LIMCH1: variants seen among roughly 807,000 people sequenced by gnomAD.
LIMCH1 encodes LIM and calponin homology domains-containing protein 1.
A neutral mutation model predicts 176.5 loss-of-function variants in LIMCH1; 113 were observed. The ratio of observed to expected loss-of-function variants is 0.64; its 90% CI spans 0.55 to 0.75. The LOEUF (loss-of-function observed/expected upper bound fraction) is 0.75. Among genes scored for constraint, LIMCH1 ranks in the 30% least tolerant of loss-of-function variants. The probability of loss-of-function intolerance (pLI) is 0.00; values close to 1 mark genes in which losing one functional copy is unlikely to be tolerated. For synonymous variants in LIMCH1, 619 were observed against 645.9 expected, an observed-to-expected ratio of 0.96 and a Z score of 0.63; for missense variants, 1,674 against 1,814.9, an observed-to-expected ratio of 0.92 and a Z score of 1.41.
chr4:41,603,262 G>A (rs1030600795), intron 2 of LIMCH1, among the ~76,000 whole-genome samples: 10 of 150,494 alleles, frequency 6.6e-5, no homozygotes, highest in Non-Finnish European at 1.3e-4. Context: ...TGAATATTTC[G>A]AAGTAGCTTT....
chr4:41,596,950 G>C (rs1482402979), intron 1 of LIMCH1, among the ~76,000 whole-genome samples: 2 of 152,094 alleles, frequency 1.3e-5, no homozygotes, highest in African/African-American at 4.8e-5. Flanking sequence ...TAAAGTTGTA[G>C]TAACTCGTCA....
intron 1 of LIMCH1, among the ~76,000 whole-genome samples, chr4:41,400,774 A>G (rs2058351659): frequency 2.6e-5 from 4 of 152,248 alleles, no homozygotes; most frequent in Admixed American, 2.6e-4. Flanking sequence ...TTTGATGAGA[A>G]TATGAGAAAG....
At chr4:41,563,710 G>T in intron 1 of LIMCH1, among the ~76,000 whole-genome samples, 1 of 152,136 alleles carries the variant, frequency 6.6e-6, no homozygotes, top group East Asian at 1.9e-4. Context: ...GCTTGTGAAT[G>T]CTTTGCATGA....
At chr4:41,682,675 C>CTTTTTTTTTT (rs200784058) in intron 26 of LIMCH1, among the ~76,000 whole-genome samples, 1 of 142,408 alleles carries the variant, frequency 7.0e-6, no homozygotes, top group African/African-American at 2.6e-5. Context: ...TTTTCTTCTT[C>CTTTTTTTTTT]TTCTTTTTTT....
chr4:41,542,365 C>T (rs374811324), intron 1 of LIMCH1, among the ~76,000 whole-genome samples: 23 of 137,958 alleles, frequency 1.7e-4, no homozygotes, highest in African/African-American at 2.7e-4. Flanking sequence ...TCTTTCTTTT[C>T]TTTTTTTTTT....
At chr4:41,667,130 A>G (rs953899650) in intron 21 of LIMCH1, among the ~76,000 whole-genome samples, 5 of 152,166 alleles carry the variant, frequency 3.3e-5, no homozygotes, top group Non-Finnish European at 7.3e-5. Context: ...TCTCCAAAAT[A>G]TAAAAAGATA....
At chr4:41,384,471 G>A (rs1228860666) in intron 1 of LIMCH1, among the ~76,000 whole-genome samples, 1 of 152,110 alleles carries the variant, frequency 6.6e-6, no homozygotes, top group African/African-American at 2.4e-5. Context: ...GCCTCCCAAA[G>A]TGCTGGGATT....
intron 1 of LIMCH1, among the ~76,000 whole-genome samples, chr4:41,557,933 G>T (rs2081506892): frequency 6.6e-6 from 1 of 151,690 alleles, no homozygotes; most frequent in African/African-American, 2.4e-5. Flanking sequence ...TTATCCTCAT[G>T]CTCAACTCAA....
chr4:41,469,657 T>G (rs6447075), intron 1 of LIMCH1, among the ~76,000 whole-genome samples: 75,119 of 151,626 alleles, frequency 0.5, 22,141 homozygotes, highest in African/African-American at 0.83. Context: ...TGTCATAGCT[T>G]GTTTTGAGAT....
intron 19 of LIMCH1, among the ~76,000 whole-genome samples, chr4:41,662,269 T>C (rs191754372): frequency 6.6e-6 from 1 of 152,304 alleles, no homozygotes; most frequent in African/African-American, 2.4e-5. Context: ...CCCCCTTAGG[T>C]AGTGACTTTT....
intron 1 of LIMCH1, among the ~76,000 whole-genome samples, chr4:41,565,555 T>C (rs1038118991): frequency 6.6e-6 from 1 of 152,130 alleles, no homozygotes; most frequent in Admixed American, 6.5e-5. Flanking sequence ...CTTTGTCTCC[T>C]GGTAAAAATA....
rs148228950 is a variant in LIMCH1 at position 41,589,718 on chromosome 4, G to A, written c.-240-9202G>A. ...TGATGTCTCTGGGTTAGCCTCGCTC[G>A]TTCTGTGTCTGACCTCTCCCAGGAA... On this transcript the variant is annotated intron_variant, in intron 1 of 31. Transcript: ENST00000503057. Among the ~76,000 whole-genome samples the A allele has an allele frequency of 7.0e-3, 1,069 of 152,196 alleles. 17 individuals carry two copies. The highest frequency in any genetic ancestry group is 0.024 in the African/African-American group (986 of 41,520).
chr4:41,514,216 G>C (rs1239479064), intron 2 of LIMCH1, among the ~76,000 whole-genome samples: 5 of 151,890 alleles, frequency 3.3e-5, no homozygotes, highest in African/African-American at 4.8e-5. Context: ...CCTTACACTA[G>C]AGCTAGAGTT....
In LIMCH1 at chr4:41,671,606, A is replaced by G; in HGVS notation, c.3438+12A>G. 5.8e-6 allele frequency: 9 copies of G among 1,541,620 alleles called. No homozygotes were observed. Among genetic ancestry groups the G allele is most frequent in the Non-Finnish European group, 4.5e-6 (5 of 1,114,400 alleles). On this transcript the variant is annotated intron_variant, in intron 22 of 31. Coordinates refer to ENST00000503057, the MANE Select transcript of LIMCH1 (RefSeq NM_001330672.2). Reference sequence around the variant, plus strand: ...CTGTTATGACACCTGTAAGTCACTCATTTTAAGGAATAAGATTATGAGTTA... The same window carrying G: ...CTGTTATGACACCTGTAAGTCACTCGTTTTAAGGAATAAGATTATGAGTTA...
intron 1 of LIMCH1, among the ~76,000 whole-genome samples, chr4:41,371,509 G>A (rs2053959186): frequency 6.6e-6 from 1 of 152,126 alleles, no homozygotes; most frequent in Non-Finnish European, 1.5e-5. Flanking sequence ...AGTCCTTGAT[G>A]CTGAGATCCA....
chr4:41,368,195 A>T (rs1462450616), intron 1 of LIMCH1, among the ~76,000 whole-genome samples: 1 of 152,204 alleles, frequency 6.6e-6, no homozygotes, highest in African/African-American at 2.4e-5. Flanking sequence ...TATTTGGGAG[A>T]CTTGGCTATC....
At chr4:41,682,878 T>C (rs1425560814) in intron 26 of LIMCH1, among the ~76,000 whole-genome samples, 1 of 152,128 alleles carries the variant, frequency 6.6e-6, no homozygotes, top group Non-Finnish European at 1.5e-5. Flanking sequence ...GGTTTCGTCA[T>C]GTTGGTCAGG....
intron 5 of LIMCH1, among the ~76,000 whole-genome samples, chr4:41,618,225 C>A (rs10805090): frequency 6.6e-6 from 1 of 151,980 alleles, no homozygotes; most frequent in Non-Finnish European, 1.5e-5. Context: ...TTGAAGTGGC[C>A]GCTACTTATA....
intron 1 of LIMCH1, among the ~76,000 whole-genome samples, chr4:41,433,890 T>C (rs538550884): frequency 6.6e-6 from 1 of 152,100 alleles, no homozygotes; most frequent in East Asian, 1.9e-4. Flanking sequence ...ATGGCCCAAA[T>C]TGTACAAGTA....
Sources: gnomAD v4.1 joint callset for allele counts (sites outside exome capture counted in the v4.1 genomes callset) on GRCh38, gnomAD v4.1.1 for gene constraint, MANE v1.5 for transcripts, NCBI Gene and HGNC (gene_info 2026-07-23, HGNC 2026-07-21) for gene names.